The following HDAC9 variants were observed in gnomAD, a reference collection of about 807,000 sequenced individuals.
The protein encoded by HDAC9 is MEF-2 interacting transcription repressor (MITR) protein.
In HDAC9, 41 loss-of-function variants were observed where a neutral mutation model predicts 139.4. The ratio of observed to expected loss-of-function variants is 0.29; its 90% CI spans 0.23 to 0.38. The LOEUF is 0.38. Ranked by LOEUF, HDAC9 falls within the 10% of genes least tolerant of loss-of-function variation. The probability of loss-of-function intolerance (pLI) is 1.00; values close to 1 mark genes in which losing one functional copy is unlikely to be tolerated. For synonymous variants in HDAC9, 517 were observed against 476.2 expected, an observed-to-expected ratio of 1.09 and a Z score of -1.12; for missense variants, 1,147 against 1,297.0, an observed-to-expected ratio of 0.88 and a Z score of 1.78.
At chr7:18,433,743 G>T (rs1790903427) in intron 1 of HDAC9, among the ~76,000 whole-genome samples, 1 of 152,138 alleles carries the variant, frequency 6.6e-6, no homozygotes, top group African/African-American at 2.4e-5. Context: ...AATGAGAATT[G>T]TCAAACACTG....
chr7:18,429,549 TTGTGTGTGTGTGTGTC>T (rs1171692300), intron 1 of HDAC9, among the ~76,000 whole-genome samples: 3 of 150,110 alleles, frequency 2.0e-5, no homozygotes, highest in African/African-American at 7.4e-5. Context: ...GTGTGTGTAT[TTGTGTGTGTGTGTGTC>T]TGTGTGTGTG....
chr7:18,175,022 G>C (rs963060713), intron 2 of HDAC9, among the ~76,000 whole-genome samples: 1 of 152,312 alleles, frequency 6.6e-6, no homozygotes, highest in East Asian at 1.9e-4. Context: ...GTCTGCAGAA[G>C]TTTCTATTGC....
At chr7:18,553,665 C>G (rs540873904) in intron 2 of HDAC9, among the ~76,000 whole-genome samples, 1 of 152,126 alleles carries the variant, frequency 6.6e-6, no homozygotes, top group African/African-American at 2.4e-5. Flanking sequence ...TCTTGAATGT[C>G]TCTGGGAATT....
intron 21 of HDAC9, among the ~76,000 whole-genome samples, chr7:18,849,306 C>A (rs1797113916): frequency 6.6e-6 from 1 of 152,016 alleles, no homozygotes; most frequent in Non-Finnish European, 1.5e-5. Context: ...AGATAACACA[C>A]CCTAAAGACA....
At chr7:18,950,291 A>G (rs1782701397) in intron 23 of HDAC9, among the ~76,000 whole-genome samples, 1 of 152,094 alleles carries the variant, frequency 6.6e-6, no homozygotes, top group Non-Finnish European at 1.5e-5. Flanking sequence ...ATCTATAGAA[A>G]TATCTGCCTG....
chr7:18,887,549 C>G (rs1215604346), intron 22 of HDAC9, among the ~76,000 whole-genome samples: 3 of 151,968 alleles, frequency 2.0e-5, no homozygotes, highest in Non-Finnish European at 4.4e-5. Context: ...GGTAATGGAC[C>G]TAAATAAAAT....
In HDAC9 at chr7:18,997,294, C is replaced by T. The variant is rs1786521056; in HGVS notation, c.*1232C>T. On this transcript the variant is annotated 3_prime_UTR_variant, in exon 26 of 26. Coordinates refer to ENST00000686413, the MANE Select transcript of HDAC9 (RefSeq NM_178425.4). ...TGACTTAACCTAGAAGCTGTGCCTT[C>T]TTGTGAAAAAAAAAAAAAACAAAAA... 1 of 86,908 alleles carries T rather than the reference C, an allele frequency of 1.2e-5. No individual in the cohort carries two copies. The highest frequency in any genetic ancestry group is 2.4e-5 in the Non-Finnish European group (1 of 41,348). The allele number at this position is 86,908 out of a possible 1,614,324, so 5.4% of individuals were successfully genotyped here.
intron 1 of HDAC9, among the ~76,000 whole-genome samples, chr7:18,143,497 G>A (rs1407687647): frequency 6.6e-6 from 1 of 152,138 alleles, no homozygotes; most frequent in Non-Finnish European, 1.5e-5. Context: ...CTATGATCAA[G>A]TAAAAATTAA....
chr7:18,286,031 T>G (rs1797428729), upstream of HDAC9, among the ~76,000 whole-genome samples: 1 of 152,126 alleles, frequency 6.6e-6, no homozygotes, highest in South Asian at 2.1e-4. Flanking sequence ...TTTTCAAACC[T>G]GTAAACATTT....
intron 11 of HDAC9, 109 bp downstream of exon 11, chr7:18,648,792 A>T: frequency 1.1e-6 from 1 of 906,102 alleles, no homozygotes; most frequent in Non-Finnish European, 1.7e-6. Flanking sequence ...CACAGCAAAA[A>T]GGATGTGATC....
chr7:18,275,105 T>A (rs749164097), intron 2 of HDAC9, among the ~76,000 whole-genome samples: 1 of 151,964 alleles, frequency 6.6e-6, no homozygotes, highest in Admixed American at 6.6e-5. Context: ...TTCAGCAAAA[T>A]TGCTCTACAC....
At chr7:18,128,367 T>C (rs1038431327) in intron 1 of HDAC9, among the ~76,000 whole-genome samples, 2 of 152,026 alleles carry the variant, frequency 1.3e-5, no homozygotes, top group Admixed American at 1.3e-4. Flanking sequence ...CAGCTAACAG[T>C]ATGTTATGGA....
At chr7:18,135,453 T>TA (rs1785326296) in intron 1 of HDAC9, among the ~76,000 whole-genome samples, 1 of 93,636 alleles carries the variant, frequency 1.1e-5, no homozygotes, top group African/African-American at 4.1e-5. Context: ...CCCTCCCCCC[T>TA]CCCCCCACCC....
intron 2 of HDAC9, among the ~76,000 whole-genome samples, chr7:18,512,494 C>T (rs779693997): frequency 9.9e-5 from 15 of 152,010 alleles, no homozygotes; most frequent in Non-Finnish European, 1.9e-4. Context: ...CAGATTTGAG[C>T]GATGCTATGC....
chr7:18,697,374 A>T (rs750451644), intron 12 of HDAC9, among the ~76,000 whole-genome samples: 1 of 152,162 alleles, frequency 6.6e-6, no homozygotes, highest in Non-Finnish European at 1.5e-5. Flanking sequence ...GACAAGTATA[A>T]AAAACAGGTG....
intron 1 of HDAC9, among the ~76,000 whole-genome samples, chr7:18,389,567 G>A (rs939379359): frequency 1.3e-5 from 2 of 152,176 alleles, no homozygotes; most frequent in Non-Finnish European, 2.9e-5. Context: ...AGACAAGGTT[G>A]TCACTTTACC....
At chr7:18,349,876 T>G (rs1782720823) in intron 1 of HDAC9, among the ~76,000 whole-genome samples, 1 of 152,206 alleles carries the variant, frequency 6.6e-6, no homozygotes, top group South Asian at 2.1e-4. Flanking sequence ...ATATTTCAGT[T>G]GTTCTTTGCT....
chr7:18,097,793 T>C (rs1782605701), intron 1 of HDAC9, among the ~76,000 whole-genome samples: 1 of 152,066 alleles, frequency 6.6e-6, no homozygotes, highest in Non-Finnish European at 1.5e-5. Context: ...ACCAGGCTGG[T>C]CTTGAACTTC....
chr7:18,248,757 G>T (rs541439883), intron 2 of HDAC9, among the ~76,000 whole-genome samples: 14 of 152,136 alleles, frequency 9.2e-5, no homozygotes, highest in Non-Finnish European at 1.5e-4. Context: ...GAACTATTTG[G>T]CTTATTTATC....
Sources: gnomAD v4.1 joint callset for allele counts (sites outside exome capture counted in the v4.1 genomes callset) on GRCh38, gnomAD v4.1.1 for gene constraint, MANE v1.5 for transcripts, NCBI Gene and HGNC (gene_info 2026-07-23, HGNC 2026-07-21) for gene names.